AGBL2: variants seen among roughly 807,000 people sequenced by gnomAD.
AGBL2 encodes cytosolic carboxypeptidase 2.
Under a neutral mutation model 103.0 loss-of-function variants are expected in AGBL2, and 87 were observed. The ratio of observed to expected loss-of-function variants is 0.84; its 90% CI spans 0.71 to 1.01. AGBL2 has a LOEUF of 1.01. Ranked by LOEUF, AGBL2 falls within the 50% of genes least tolerant of loss-of-function variation. The probability of loss-of-function intolerance (pLI) is 0.00; values close to 1 mark genes in which losing one functional copy is unlikely to be tolerated. For synonymous variants in AGBL2, 335 were observed against 356.7 expected, an observed-to-expected ratio of 0.94 and a Z score of 0.69; for missense variants, 904 against 1,023.5, an observed-to-expected ratio of 0.88 and a Z score of 1.59.
At chr11:47,689,657 CATA>C (rs1481227714) in intron 10 of AGBL2, among the ~76,000 whole-genome samples, 1 of 152,128 alleles carries the variant, frequency 6.6e-6, no homozygotes, top group East Asian at 1.9e-4. Context: ...GTGCCTACCT[CATA>C]ATGTTAATGT....
chr11:47,704,988 A>G (rs761570049), intron 6 of AGBL2: 42 of 304,204 alleles, frequency 1.4e-4, no homozygotes, highest in Non-Finnish European at 2.3e-4. Flanking sequence ...TAAAAATTAA[A>G]TTTAATGGTC....
chr11:47,690,652 C>T lies in AGBL2; in HGVS notation c.1055G>A (p.Gly352Asp). 6.2e-7 allele frequency: 1 copy of T among 1,614,146 alleles called. No individual in the cohort carries two copies. The highest frequency in any genetic ancestry group is 8.5e-7 in the Non-Finnish European group (1 of 1,180,026). The change falls in exon 10 of 19, where the codon GGC (glycine) becomes GAC (aspartate). Residue 352 changes from glycine to aspartate, a missense_variant. Coordinates refer to ENST00000525123, the MANE Select transcript of AGBL2 (RefSeq NM_024783.4). ...SQLDANTRNI[G>D]WRREGNEIKY... ...GATTTCATTTCCTTCTCTCCTCCAGCCAATATTGCGGGTGTTGGCATCCAA... is the reference window on the plus strand; with the variant it reads ...GATTTCATTTCCTTCTCTCCTCCAGTCAATATTGCGGGTGTTGGCATCCAA...
chr11:47,682,135 C>A, intron 11 of AGBL2, 40 bp from the exon 12 acceptor site: 1 of 1,573,912 alleles, frequency 6.4e-7, no homozygotes, highest in Non-Finnish European at 8.7e-7. Context: ...CATAAATCAG[C>A]AAATGTAAAA....
At chr11:47,687,626 G>A (rs1388615379) in intron 10 of AGBL2, among the ~76,000 whole-genome samples, 1 of 151,338 alleles carries the variant, frequency 6.6e-6, no homozygotes, top group East Asian at 1.9e-4. Context: ...CATATGATGT[G>A]CCTGCTCCCT....
At chr11:47,680,965 A>G (rs948037407) in intron 12 of AGBL2, among the ~76,000 whole-genome samples, 5 of 152,152 alleles carry the variant, frequency 3.3e-5, no homozygotes, top group Admixed American at 6.6e-5. Context: ...GTTAGGCACT[A>G]TGGGAAGTGC....
intron 11 of AGBL2, among the ~76,000 whole-genome samples, chr11:47,682,934 T>A (rs891629963): frequency 1.3e-5 from 2 of 150,918 alleles, no homozygotes; most frequent in African/African-American, 2.4e-5. Context: ...TAGATATGGG[T>A]TCTGGGTGTG....
At chr11:47,682,695 C>T (rs948701838) in intron 11 of AGBL2, among the ~76,000 whole-genome samples, 5 of 152,110 alleles carry the variant, frequency 3.3e-5, no homozygotes, top group African/African-American at 1.2e-4. Flanking sequence ...TTTTATGACC[C>T]CTCAGCCCTT....
At chr11:47,667,860 G>C (rs1244958140) in intron 15 of AGBL2, among the ~76,000 whole-genome samples, 164 bp from the exon 16 acceptor site, 3 of 152,124 alleles carry the variant, frequency 2.0e-5, no homozygotes, top group Non-Finnish European at 4.4e-5. Flanking sequence ...CTCCTTACTG[G>C]AGGATGCTTC....
intron 10 of AGBL2, among the ~76,000 whole-genome samples, chr11:47,689,469 T>C (rs7952204): frequency 0.2 from 31,061 of 151,764 alleles, 3,639 homozygotes; most frequent in East Asian, 0.3. Context: ...CACGCCTGGC[T>C]AATTTTTGTA....
intron 8 of AGBL2, among the ~76,000 whole-genome samples, chr11:47,692,630 T>G (rs1368124864): frequency 2.0e-5 from 3 of 151,662 alleles, no homozygotes; most frequent in Admixed American, 2.0e-4. Context: ...GCCAGGATGG[T>G]CTCGATCTCC....
chr11:47,673,793 C>CAAAA (rs66460144), intron 14 of AGBL2, among the ~76,000 whole-genome samples: 4 of 75,866 alleles, frequency 5.3e-5, no homozygotes, highest in African/African-American at 5.8e-5. Flanking sequence ...GACTCCATCT[C>CAAAA]AAAAAAAAAA....
Position 47,685,973 on chromosome 11 carries a change from C to T in AGBL2, c.1708G>A (p.Gly570Ser), listed in dbSNP as rs1434331817. The T allele has an allele frequency of 6.2e-7, 1 of 1,613,878 alleles. No individual in the cohort carries two copies. ...HSRKNNIFLYGCNNNNRKYWL... is the reference protein window; with the variant it reads ...HSRKNNIFLYSCNNNNRKYWL... ...TATTTGCGATTGTTGTTATTACAGC[C>T]ATACAGGAAGATATTATTCTTACGA... The change falls in exon 11 of 19, where the codon GGC becomes AGC. Residue 570 changes from glycine (G) to serine (S), a missense_variant. Physicochemically the swap from Gly to Ser is moderately conservative, Grantham distance 56. Coordinates refer to ENST00000525123, the MANE Select transcript of AGBL2 (RefSeq NM_024783.4).
At chr11:47,672,359 G>C (rs2097360244) in intron 14 of AGBL2, among the ~76,000 whole-genome samples, 2 of 151,870 alleles carry the variant, frequency 1.3e-5, no homozygotes, top group Admixed American at 1.3e-4. Flanking sequence ...GTGTCGCTCA[G>C]GTTGGAGTGC....
At chr11:47,715,094 G>A (rs1419338326) in intron 1 of AGBL2, 81 bp downstream of exon 1, 1 of 180,758 alleles carries the variant, frequency 5.5e-6, no homozygotes, top group Non-Finnish European at 1.2e-5. Flanking sequence ...ATTGAATTTA[G>A]GGTTCAGAGG....
chr11:47,674,173 A>C (rs1297060505), intron 14 of AGBL2, among the ~76,000 whole-genome samples: 1 of 152,146 alleles, frequency 6.6e-6, no homozygotes, highest in East Asian at 1.9e-4. Context: ...GCTATGGAAA[A>C]AAGTAGAGCA....
chr11:47,681,840 G>A, intron 12 of AGBL2, 129 bp downstream of exon 12: 1 of 1,148,254 alleles, frequency 8.7e-7, no homozygotes, highest in Non-Finnish European at 1.2e-6. Context: ...CTCAAATTTA[G>A]CATAAGTCTA....
rs574802128 is a variant in AGBL2, at chr11:47,660,129, CA to C, written c.*43del. 2,656 of 1,563,812 alleles carry C rather than the reference CA, an allele frequency of 1.7e-3. 16 individuals are homozygous for C. In the Middle Eastern group the frequency reaches 0.024, roughly 14 times the overall value. On this transcript the variant is annotated 3_prime_UTR_variant, in exon 19 of 19. Coordinates refer to ENST00000525123, the MANE Select transcript of AGBL2 (RefSeq NM_024783.4). Reference sequence around the variant, plus strand: ...CCCCATTATAAAATGTGTCTAATCTCAAAACCCCCGATGAAGTGCTTGTGTG... The same window carrying C: ...CCCCATTATAAAATGTGTCTAATCTCAAACCCCCGATGAAGTGCTTGTGTG...
chr11:47,660,879 C>A (rs1394184132), intron 18 of AGBL2, among the ~76,000 whole-genome samples: 1 of 152,022 alleles, frequency 6.6e-6, no homozygotes. Context: ...TTTAATTGCC[C>A]CCAAAAGCAG....
At chr11:47,679,751 C>G (rs1418728621) in intron 13 of AGBL2, among the ~76,000 whole-genome samples, 1 of 151,828 alleles carries the variant, frequency 6.6e-6, no homozygotes, top group Non-Finnish European at 1.5e-5. Flanking sequence ...AAGTGATTCT[C>G]CTGCCTCAGC....
Sources: gnomAD v4.1 joint callset for allele counts (sites outside exome capture counted in the v4.1 genomes callset) on GRCh38, gnomAD v4.1.1 for gene constraint, MANE v1.5 for transcripts, NCBI Gene and HGNC (gene_info 2026-07-23, HGNC 2026-07-21) for gene names.